ENTPD1: variants seen among roughly 807,000 people sequenced by gnomAD.
ENTPD1 encodes ectonucleoside triphosphate diphosphohydrolase 1, also known as ATP diphosphohydrolase.
ENTPD1 carries 33 observed loss-of-function variants against 57.0 expected under a neutral mutation model. That is an observed-to-expected ratio of 0.58 (90% CI 0.44 to 0.77). ENTPD1 has a LOEUF of 0.77. Among genes scored for constraint, ENTPD1 ranks in the 30% least tolerant of loss-of-function variants. ENTPD1 has a pLI of 0.00. For missense variants in ENTPD1, 501 were observed against 603.4 expected (o/e 0.83, Z 1.78); for synonymous variants, 202 against 218.8 (o/e 0.92, Z 0.68).
chr10:95,697,604 A>G, the ENTPD1 span, among the ~76,000 whole-genome samples: 1 of 152,172 alleles, frequency 6.6e-6, no homozygotes, highest in Non-Finnish European at 1.5e-5. Flanking sequence ...TGGTGGCTTT[A>G]CAAGAAGAGG....
At chr10:95,856,716 G>C (rs2098455619) in intron 7 of ENTPD1, among the ~76,000 whole-genome samples, 1 of 148,886 alleles carries the variant, frequency 6.7e-6, no homozygotes, top group African/African-American at 2.5e-5. Context: ...ATACTACTCA[G>C]CCATAAAAAG....
chr10:95,700,681 CTG>C, the ENTPD1 span, among the ~76,000 whole-genome samples: 1 of 152,196 alleles, frequency 6.6e-6, no homozygotes, highest in East Asian at 1.9e-4. Context: ...GAGCAAATCT[CTG>C]TCTCTATTAA....
At chr10:95,713,031 C>T (rs1252838845) in intron 1 of ENTPD1, among the ~76,000 whole-genome samples, 2 of 79,958 alleles carry the variant, frequency 2.5e-5, no homozygotes, top group African/African-American at 6.7e-5. Flanking sequence ...GAGATTCTGT[C>T]TTAAAAAAAA....
At chr10:95,824,203 G>A (rs1376901721) in intron 2 of ENTPD1, among the ~76,000 whole-genome samples, 1 of 151,988 alleles carries the variant, frequency 6.6e-6, no homozygotes. Flanking sequence ...AATATATAAG[G>A]GCCCAGATGA....
At chr10:95,715,191 C>T (rs752218555) in intron 1 of ENTPD1, among the ~76,000 whole-genome samples, 36 of 152,166 alleles carry the variant, frequency 2.4e-4, no homozygotes, top group South Asian at 6.2e-4. Context: ...GTCATACCCT[C>T]TTGTCTCTTT....
the ENTPD1 span, among the ~76,000 whole-genome samples, chr10:95,706,498 G>A: frequency 2.6e-5 from 4 of 151,966 alleles, no homozygotes; most frequent in Non-Finnish European, 4.4e-5. Context: ...CTCTCTGCCC[G>A]CTGGTCGTCC....
In ENTPD1 at chr10:95,867,536, C is replaced by A; in HGVS notation, c.*1153C>A. On this transcript the variant is annotated 3_prime_UTR_variant, in exon 10 of 10. Transcript: ENST00000371205. ...GTGGAGTGGCATGCTTTTGCCCTAT[C>A]GTGGAATTTACACATCAGAATGTGC... 1 of 985,404 alleles carries A rather than the reference C, an allele frequency of 1.0e-6. No individual in the cohort carries two copies. Among genetic ancestry groups the A allele is most frequent in the Middle Eastern group, 5.2e-4 (1 of 1,914 alleles). 61.0% of individuals were successfully genotyped at this position (985,404 alleles called of 1,614,324 possible).
rs2098161801 is a variant in ENTPD1, at chr10:95,782,489, T to TC, written c.16+26236dup. Among the ~76,000 whole-genome samples the TC allele has an allele frequency of 2.6e-5, 4 of 152,276 alleles. No individual in the cohort carries two copies. In the East Asian group the frequency reaches 7.7e-4, roughly 29 times the overall value. Reference sequence around the variant, plus strand: ...AATGAATATGACTGGGGCTAGTAGTTCCAAGAAAAAATTGGAAACATGCTC... The same window carrying TC: ...AATGAATATGACTGGGGCTAGTAGTTCCCAAGAAAAAATTGGAAACATGCTC... On this transcript the variant is annotated intron_variant, in intron 1 of 9. Transcript: ENST00000371205.
intron 1 of ENTPD1, among the ~76,000 whole-genome samples, chr10:95,722,633 C>T (rs560483475): frequency 3.4e-5 from 4 of 117,476 alleles, no homozygotes; most frequent in Admixed American, 1.1e-4. Flanking sequence ...ACATCACACT[C>T]TGGGGACTGT....
intron 1 of ENTPD1, among the ~76,000 whole-genome samples, chr10:95,821,797 T>G (rs2098352485): frequency 6.6e-6 from 1 of 152,138 alleles, no homozygotes; most frequent in African/African-American, 2.4e-5. Flanking sequence ...TAGACTTGGA[T>G]TAAGTTCAAG....
chr10:95,800,761 G>T (rs767153974), intron 1 of ENTPD1, among the ~76,000 whole-genome samples: 1 of 152,134 alleles, frequency 6.6e-6, no homozygotes, highest in African/African-American at 2.4e-5. Context: ...GACCCCACAG[G>T]CAGTCAGACC....
At position 95,876,091 on chromosome 10, in the gene ENTPD1, G is replaced by T; in HGVS notation, c.*9708G>T. 1.0e-6 allele frequency: 1 copy of T among 985,344 alleles called. No individual in the cohort carries two copies. The highest frequency in any genetic ancestry group is 4.7e-5 in the South Asian group (1 of 21,292). 61.0% of individuals were successfully genotyped at this position (985,344 alleles called of 1,614,324 possible). On this transcript the variant is annotated 3_prime_UTR_variant, in exon 10 of 10. Transcript: ENST00000371205. ...TTTTACAAGGTTTGAAACCTGAAAT[G>T]CAGTCTATTATCATACATAACTAAA...
chr10:95,703,845 C>T, the ENTPD1 span, among the ~76,000 whole-genome samples: 1 of 146,094 alleles, frequency 6.8e-6, no homozygotes. Flanking sequence ...AATCCCAGCA[C>T]TTTGCGAGGC....
chr10:95,713,330 AAAG>A (rs1456431939), intron 1 of ENTPD1, among the ~76,000 whole-genome samples: 3 of 152,192 alleles, frequency 2.0e-5, no homozygotes, highest in South Asian at 2.1e-4. Context: ...TTTTTCTTAA[AAAG>A]AAGATTTTGG....
chr10:95,743,077 G>T, intron 1 of ENTPD1, among the ~76,000 whole-genome samples: 2 of 152,140 alleles, frequency 1.3e-5, no homozygotes, highest in East Asian at 3.8e-4. Flanking sequence ...TCTGTTCCAA[G>T]ATTCCAAATT....
At position 95,842,443 on chromosome 10, in the gene ENTPD1, A is replaced by C. The variant is rs752354032; in HGVS notation, c.362A>C (p.His121Pro). 1 of 1,614,006 alleles carries C rather than the reference A, an allele frequency of 6.2e-7. No homozygotes were observed. Among genetic ancestry groups the C allele is most frequent in the Non-Finnish European group, 8.5e-7 (1 of 1,180,020 alleles). Residue 121 changes from histidine to proline, a missense_variant, in exon 4 of 10, where the codon CAC (histidine) becomes CCC (proline). Physicochemically the swap from His to Pro is moderately conservative, Grantham distance 77 (BLOSUM62 -2). Coordinates refer to ENST00000371205, the MANE Select transcript of ENTPD1 (RefSeq NM_001776.6). ...RAREVIPRSQ[H>P]QETPVYLGAT... ...AGGGAAGTGATTCCAAGGTCCCAGC[A>C]CCAAGAGACACCCGTTTACCTGGGA...
chr10:95,822,253 C>T (rs1305270497), intron 1 of ENTPD1, among the ~76,000 whole-genome samples: 1 of 152,046 alleles, frequency 6.6e-6, no homozygotes, highest in Non-Finnish European at 1.5e-5. Flanking sequence ...CTGCCTCAGC[C>T]TCCCAAAGTG....
At chr10:95,714,883 C>T (rs904420858) in intron 1 of ENTPD1, among the ~76,000 whole-genome samples, 2 of 152,056 alleles carry the variant, frequency 1.3e-5, no homozygotes, top group Non-Finnish European at 2.9e-5. Flanking sequence ...TTCAGGTCTG[C>T]TTTCTTACAT....
At position 95,872,491 on chromosome 10, in the gene ENTPD1, C is replaced by A. The variant is rs936188156; in HGVS notation, c.*6108C>A. On this transcript the variant is annotated 3_prime_UTR_variant, in exon 10 of 10. Coordinates refer to ENST00000371205, the MANE Select transcript of ENTPD1 (RefSeq NM_001776.6). Reference sequence around the variant, plus strand: ...GCACCTTCAAAGCTCATTTCAAATGCCCCTTCATTTGTGAAGCCTTCTCCA... The same window carrying A: ...GCACCTTCAAAGCTCATTTCAAATGACCCTTCATTTGTGAAGCCTTCTCCA... 1 of 983,886 alleles carries A rather than the reference C, an allele frequency of 1.0e-6. No individual in the cohort carries two copies. Among genetic ancestry groups the A allele is most frequent in the Non-Finnish European group, 1.2e-6 (1 of 828,582 alleles). The allele number at this position is 983,886 out of a possible 1,614,324, so 60.9% of individuals were successfully genotyped here.
Sources: allele counts gnomAD v4.1 joint callset (sites outside exome capture counted in the v4.1 genomes callset), GRCh38; gene constraint gnomAD v4.1.1; transcripts MANE v1.5; gene names NCBI Gene and HGNC (gene_info 2026-07-23, HGNC 2026-07-21).